The following HMBOX1 variants were observed in gnomAD, a reference collection of about 807,000 sequenced individuals.
HMBOX1 encodes the protein homeobox-containing protein 1.
Under a neutral mutation model 54.5 loss-of-function variants are expected in HMBOX1, and 14 were observed. The observed-to-expected ratio is 0.26, with a 90% CI of 0.17 to 0.40. The LOEUF (loss-of-function observed/expected upper bound fraction) is 0.40. Among genes scored for constraint, HMBOX1 ranks in the 10% least tolerant of loss-of-function variants. The pLI is 1.00. For missense variants in HMBOX1, 332 were observed against 514.4 expected, an observed-to-expected ratio of 0.65 and a Z score of 3.43; for synonymous variants, 160 against 181.0, an observed-to-expected ratio of 0.88 and a Z score of 0.93.
At chr8:28,919,380 G>A (rs1817147973) in intron 1 of HMBOX1, among the ~76,000 whole-genome samples, 1 of 152,098 alleles carries the variant, frequency 6.6e-6, no homozygotes, top group Non-Finnish European at 1.5e-5. Flanking sequence ...TTTTTATTGG[G>A]ATAATTTTGA....
Position 29,009,178 on chromosome 8 carries a change from C to T in HMBOX1, c.693C>T (p.Asn231=). ...FYRWYQLEKT[N]PGATLSMRPA... ...GATGGTATCAACTTGAGAAGACAAA[C>T]CCTGGTAAATAGCATTTCCTTTTAT... The change falls in exon 5 of 10, where the codon AAC becomes AAT. Residue 231 remains asparagine (N), a synonymous_variant. Coordinates refer to ENST00000287701, the MANE Select transcript of HMBOX1 (RefSeq NM_001135726.3). 2 of 1,606,892 alleles carry T rather than the reference C, an allele frequency of 1.2e-6. No homozygotes were observed.
chr8:29,047,810 G>A (rs1273252187), intron 8 of HMBOX1, among the ~76,000 whole-genome samples: 14 of 151,944 alleles, frequency 9.2e-5, no homozygotes, highest in Admixed American at 4.6e-4. Flanking sequence ...CAGGTGATCC[G>A]TCCGCCTCGG....
intron 2 of HMBOX1, among the ~76,000 whole-genome samples, chr8:28,964,865 C>T (rs947331926): frequency 1.3e-5 from 2 of 152,226 alleles, no homozygotes; most frequent in South Asian, 4.1e-4. Flanking sequence ...AGTTTCCCTC[C>T]CCACTTTTTA....
intron 6 of HMBOX1, among the ~76,000 whole-genome samples, chr8:29,019,705 A>T (rs575256045): frequency 5.8e-4 from 89 of 152,244 alleles, no homozygotes; most frequent in African/African-American, 2.1e-3. Flanking sequence ...TACCCAACTA[A>T]CTTTGTTTAG....
chr8:29,021,891 G>T (rs1015307373), intron 6 of HMBOX1, among the ~76,000 whole-genome samples: 5 of 149,274 alleles, frequency 3.3e-5, no homozygotes, highest in Non-Finnish European at 5.9e-5. Flanking sequence ...CAATCTAATT[G>T]ATAGTAAGAG....
chr8:29,015,957 C>T (rs939135190), intron 5 of HMBOX1, among the ~76,000 whole-genome samples: 10 of 152,154 alleles, frequency 6.6e-5, no homozygotes, highest in Non-Finnish European at 1.5e-4. Flanking sequence ...TTAGGGTGGG[C>T]TGTAAATCTC....
intron 1 of HMBOX1, among the ~76,000 whole-genome samples, chr8:28,893,082 T>C (rs1811361758): frequency 6.6e-6 from 1 of 152,222 alleles, no homozygotes; most frequent in South Asian, 2.1e-4. Context: ...AAATTTCTTT[T>C]TGTTTTGTCT....
intron 1 of HMBOX1, among the ~76,000 whole-genome samples, chr8:28,936,781 G>A (rs1820468432): frequency 3.4e-5 from 5 of 146,526 alleles, no homozygotes; most frequent in Admixed American, 3.4e-4. Context: ...TCCATCAAGG[G>A]CCACTGAACC....
intron 1 of HMBOX1, among the ~76,000 whole-genome samples, chr8:28,945,576 C>G (rs1017497268): frequency 1.3e-5 from 2 of 152,156 alleles, no homozygotes; most frequent in Non-Finnish European, 2.9e-5. Context: ...ATAAAAGAAC[C>G]TGCTAAGGAG....
chr8:28,917,927 C>G (rs1262016461), intron 1 of HMBOX1, among the ~76,000 whole-genome samples: 1 of 152,096 alleles, frequency 6.6e-6, no homozygotes, highest in African/African-American at 2.4e-5. Context: ...ATTTTTTCAT[C>G]TGTGTTCATC....
intron 1 of HMBOX1, among the ~76,000 whole-genome samples, chr8:28,952,804 T>C (rs1823721322): frequency 6.6e-6 from 1 of 152,228 alleles, no homozygotes; most frequent in Non-Finnish European, 1.5e-5. Context: ...AATAATTCTT[T>C]TGGAATAAAA....
At chr8:28,972,969 C>CT (rs1490020380) in intron 3 of HMBOX1, among the ~76,000 whole-genome samples, 1 of 152,092 alleles carries the variant, frequency 6.6e-6, no homozygotes, top group Non-Finnish European at 1.5e-5. Flanking sequence ...GACACTTTAT[C>CT]TTTTTCCATT....
intron 3 of HMBOX1, among the ~76,000 whole-genome samples, chr8:28,975,995 C>T (rs1019155961): frequency 2.6e-5 from 4 of 152,122 alleles, no homozygotes; most frequent in African/African-American, 7.2e-5. Context: ...GTTTGAACAA[C>T]AAAGCTAACC....
intron 5 of HMBOX1, among the ~76,000 whole-genome samples, chr8:29,018,554 A>G (rs1466471327): frequency 6.6e-6 from 1 of 152,206 alleles, no homozygotes; most frequent in Non-Finnish European, 1.5e-5. Flanking sequence ...AATGGTTAGT[A>G]AAAGATTCTG....
chr8:29,041,165 A>C (rs946999037), intron 6 of HMBOX1, among the ~76,000 whole-genome samples: 1 of 152,242 alleles, frequency 6.6e-6, no homozygotes, highest in African/African-American at 2.4e-5. Context: ...CATATAAGGC[A>C]GAATGTCATT....
At chr8:28,926,932 A>C (rs967105328) in intron 1 of HMBOX1, among the ~76,000 whole-genome samples, 7 of 152,226 alleles carry the variant, frequency 4.6e-5, no homozygotes, top group Non-Finnish European at 7.3e-5. Flanking sequence ...GTTTTTAATC[A>C]CATGATCCAT....
At chr8:29,003,861 G>T (rs1483696796) in intron 4 of HMBOX1, among the ~76,000 whole-genome samples, 3 of 151,868 alleles carry the variant, frequency 2.0e-5, no homozygotes, top group African/African-American at 7.3e-5. Context: ...TTTTTCAATT[G>T]TGAAATGATC....
chr8:29,016,022 A>T (rs1834942543), intron 5 of HMBOX1, among the ~76,000 whole-genome samples: 1 of 152,250 alleles, frequency 6.6e-6, no homozygotes, highest in Non-Finnish European at 1.5e-5. Flanking sequence ...TTAAGTAGTT[A>T]AATATTTACT....
chr8:28,960,765 C>CTTTTTTTTTTTTTTT (rs1162477676), intron 1 of HMBOX1, among the ~76,000 whole-genome samples: 1 of 16,256 alleles, frequency 6.2e-5, no homozygotes, highest in Non-Finnish European at 1.3e-4. Flanking sequence ...TTTTCTTTTT[C>CTTTTTTTTTTTTTTT]TTTTTTTTTT....
Sources: allele counts gnomAD v4.1 joint callset (sites outside exome capture counted in the v4.1 genomes callset), GRCh38; gene constraint gnomAD v4.1.1; transcripts MANE v1.5; gene names NCBI Gene and HGNC (gene_info 2026-07-23, HGNC 2026-07-21).